HNRNPH1: variants seen among roughly 807,000 people sequenced by gnomAD.
The protein encoded by HNRNPH1 is heterogeneous nuclear ribonucleoprotein H.
Under a neutral mutation model 58.6 loss-of-function variants are expected in HNRNPH1, and 4 were observed. The ratio of observed to expected loss-of-function variants is 0.07; its 90% CI spans 0.03 to 0.16. The LOEUF (loss-of-function observed/expected upper bound fraction) is 0.16, where lower values mean the gene tolerates loss of function less well. Ranked by LOEUF, HNRNPH1 falls within the 10% of genes least tolerant of loss-of-function variation. The pLI is 1.00. For synonymous variants in HNRNPH1, 192 were observed against 189.2 expected, an observed-to-expected ratio of 1.01 and a Z score of -0.12; for missense variants, 271 against 564.2, an observed-to-expected ratio of 0.48 and a Z score of 5.26.
chr5:179,622,976 GCCCGCCAGCCCGCCCGC>G, intron 1 of HNRNPH1, 44 bp downstream of exon 2: 1 of 216,320 alleles, frequency 4.6e-6, no homozygotes, highest in Non-Finnish European at 7.8e-6. Context: ...CAGCCCGGCC[GCCCGCCAGCCCGCCCGC>G]CCCGGCCTCG....
intron 10 of HNRNPH1, 108 bp downstream of exon 11, chr5:179,616,761 G>T: frequency 3.2e-6 from 3 of 947,098 alleles, no homozygotes; most frequent in Admixed American, 2.5e-5. Flanking sequence ...AAACTGCTTT[G>T]CCTAAGTTTC....
chr5:179,631,462 C>T (rs957265609), intron 2 of HNRNPH1, among the ~76,000 whole-genome samples: 1 of 151,548 alleles, frequency 6.6e-6, no homozygotes, highest in African/African-American at 2.4e-5. Flanking sequence ...AAGTTAAAAA[C>T]ATGCTGGGCG....
chr5:179,614,677 CAA>C lies in HNRNPH1; in HGVS notation c.*281_*282del. The C allele has an allele frequency of 5.7e-6, 3 of 529,064 alleles. 1 individual carries two copies. In the South Asian group the frequency reaches 7.4e-5, roughly 13 times the overall value. 32.8% of individuals were successfully genotyped at this position (529,064 alleles called of 1,614,324 possible). A position where few individuals can be genotyped will look rare whatever the true frequency, so the allele number is the denominator to read the frequency against. On this transcript the variant is annotated 3_prime_UTR_variant, in exon 13 of 13. Transcript: ENST00000356731. The stretch of plus-strand genomic sequence containing the variant: ...TTACATCCTAGATGAGTATTGTATT[CAA>C]AAATACTGGGCCTTAAGTCTTCATA...
chr5:179,614,327 T>A (rs1165544205), exon 13 of HNRNPH1: 6 of 149,664 alleles, frequency 4.0e-5, no homozygotes, highest in African/African-American at 1.5e-4. Flanking sequence ...GTATTGCGTC[T>A]CAAATTTTTC....
At chr5:179,624,207 A>G in exon 1 of HNRNPH1, 1 of 302,494 alleles carries the variant, frequency 3.3e-6, no homozygotes, top group Non-Finnish European at 6.0e-6. Context: ...GGTCAGCTGC[A>G]GATTGTCGAA....
intron 10 of HNRNPH1, 46 bp downstream of exon 11, chr5:179,616,823 T>G (rs757375413): frequency 1.4e-6 from 2 of 1,441,712 alleles, no homozygotes; most frequent in South Asian, 2.3e-5. Context: ...AATTGACTTA[T>G]ACAGATATAA....
intron 4 of HNRNPH1, chr5:179,618,771 G>A (rs1770980687): frequency 6.2e-6 from 1 of 161,428 alleles, no homozygotes; most frequent in Admixed American, 6.2e-5. Context: ...ATCAGCATAG[G>A]TAAGCGCATG....
At chr5:179,617,616 T>C (rs959085839) in exon 8 of HNRNPH1, 6 of 1,614,134 alleles carry the variant, frequency 3.7e-6, no homozygotes, top group Non-Finnish European at 5.1e-6. Flanking sequence ...CCAATTTCAA[T>C]GTGTACTCTC....
At chr5:179,616,713 G>C in intron 10 of HNRNPH1, 156 bp downstream of exon 11, 1 of 663,010 alleles carries the variant, frequency 1.5e-6, no homozygotes, top group Non-Finnish European at 2.6e-6. Flanking sequence ...TAACTCACAA[G>C]GATTTAAGTA....
At chr5:179,619,944 C>G (rs1771514722) in intron 3 of HNRNPH1, 1 of 152,200 alleles carries the variant, frequency 6.6e-6, no homozygotes, top group Non-Finnish European at 1.5e-5. Context: ...TATGCTCTAA[C>G]AGTAGTTATG....
chr5:179,632,169 G>A (rs1044216196), intron 2 of HNRNPH1, among the ~76,000 whole-genome samples: 8 of 152,090 alleles, frequency 5.3e-5, no homozygotes, highest in Non-Finnish European at 8.8e-5. Context: ...TTATCCGGGC[G>A]TGGTGGCGGG....
chr5:179,626,277 T>A (rs113546468), upstream of HNRNPH1, among the ~76,000 whole-genome samples: 309 of 151,970 alleles, frequency 2.0e-3, 2 homozygotes, highest in African/African-American at 7.2e-3. Context: ...TACTTTTTTT[T>A]AAGTTTTAGT....
chr5:179,621,349 C>T, exon 2 of HNRNPH1: 3 of 1,614,104 alleles, frequency 1.9e-6, no homozygotes, highest in Non-Finnish European at 1.7e-6. Flanking sequence ...TCTGCCTTCT[C>T]TGGTGTAGAT....
At chr5:179,616,069 A>G (rs1769432920) in intron 11 of HNRNPH1, 57 bp downstream of exon 12, 1 of 1,390,098 alleles carries the variant, frequency 7.2e-7, no homozygotes, top group East Asian at 2.3e-5. Flanking sequence ...CTCTAAGTAC[A>G]GTAATGAACA....
At chr5:179,615,204 G>C in intron 12 of HNRNPH1, 1 of 432,720 alleles carries the variant, frequency 2.3e-6, no homozygotes, top group Non-Finnish European at 4.1e-6. Context: ...GGATCAACAT[G>C]AAAAATTAAG....
At chr5:179,615,036 A>C in intron 12 of HNRNPH1, 77 bp from the exon 14 acceptor site, 1 of 918,654 alleles carries the variant, frequency 1.1e-6, no homozygotes, top group Non-Finnish European at 1.7e-6. Context: ...TCCAAGAAAA[A>C]GTTTAAAAAG....
At chr5:179,617,405 A>T in intron 8 of HNRNPH1, 109 bp downstream of exon 9, 2 of 1,272,434 alleles carry the variant, frequency 1.6e-6, no homozygotes, top group Non-Finnish European at 2.2e-6. Context: ...GAATTAATCT[A>T]TTACTGGAGA....
chr5:179,616,594 G>T (rs1190766159), intron 10 of HNRNPH1: 2 of 516,680 alleles, frequency 3.9e-6, no homozygotes, highest in African/African-American at 1.9e-5. Flanking sequence ...ATCCTGTTTT[G>T]CTATTGATTT....
intron 2 of HNRNPH1, among the ~76,000 whole-genome samples, chr5:179,633,232 T>C (rs1391827788): frequency 6.6e-6 from 1 of 151,562 alleles, no homozygotes; most frequent in Non-Finnish European, 1.5e-5. Flanking sequence ...GATCAGGTAA[T>C]CCGCCGCCTC....
Sources: allele counts gnomAD v4.1 joint callset (sites outside exome capture counted in the v4.1 genomes callset), GRCh38; gene constraint gnomAD v4.1.1; transcripts MANE v1.5; gene names NCBI Gene and HGNC (gene_info 2026-07-23, HGNC 2026-07-21).